SETD7: variants seen among roughly 807,000 people sequenced by gnomAD.
SETD7 encodes histone-lysine N-methyltransferase SETD7.
A neutral mutation model predicts 41.8 loss-of-function variants in SETD7; 16 were observed. That is an observed-to-expected ratio of 0.38 (90% CI 0.26 to 0.58). The LOEUF is 0.58. Ranked by LOEUF, SETD7 falls within the 20% of genes least tolerant of loss-of-function variation. SETD7 has a pLI of 0.64. For synonymous variants in SETD7, 163 were observed against 169.7 expected, an observed-to-expected ratio of 0.96 and a Z score of 0.31; for missense variants, 346 against 459.7, an observed-to-expected ratio of 0.75 and a Z score of 2.26.
intron 3 of SETD7, among the ~76,000 whole-genome samples, chr4:139,530,639 A>G (rs1332764321): frequency 6.6e-6 from 1 of 152,184 alleles, no homozygotes; most frequent in Non-Finnish European, 1.5e-5. Flanking sequence ...GACTAACATA[A>G]GATAATATTA....
intron 2 of SETD7, among the ~76,000 whole-genome samples, chr4:139,534,680 C>T (rs1286931456): frequency 4.6e-5 from 7 of 152,154 alleles, no homozygotes; most frequent in African/African-American, 1.7e-4. Flanking sequence ...TACAGTGTGC[C>T]TTCTCAGTAG....
intron 5 of SETD7, among the ~76,000 whole-genome samples, chr4:139,522,968 G>A (rs952821494): frequency 1.8e-4 from 27 of 151,912 alleles, no homozygotes; most frequent in African/African-American, 6.5e-4. Context: ...TGGCCAGGCT[G>A]GTCTTGAACT....
intron 2 of SETD7, among the ~76,000 whole-genome samples, chr4:139,533,616 T>C (rs1284788400): frequency 2.0e-5 from 3 of 152,022 alleles, no homozygotes; most frequent in Non-Finnish European, 2.9e-5. Flanking sequence ...CTGGAGAAAA[T>C]AGAGAAGAAA....
Position 139,555,713 on chromosome 4 carries a change from C to T in SETD7, c.40+385G>A, listed in dbSNP as rs568933516. 2.6e-5 allele frequency among the ~76,000 whole-genome samples: 4 copies of T among 152,200 alleles called. No individual in the cohort carries two copies. The highest frequency in any genetic ancestry group is 7.2e-5 in the African/African-American group (3 of 41,556). ...GCCAAAACTGGGCTAGGGGATTGCT[C>T]CGCGGAGTCCGCCGGCCTCAAGGGG... On this transcript the variant is annotated intron_variant, in intron 1 of 7. Coordinates refer to ENST00000274031, the MANE Select transcript of SETD7 (RefSeq NM_030648.4). The surrounding 1 kb of genome is among the most constrained non-coding windows in gnomAD (Gnocchi z 4.0).
intron 7 of SETD7, among the ~76,000 whole-genome samples, chr4:139,514,244 C>T (rs1229844362): frequency 6.6e-6 from 1 of 151,900 alleles, no homozygotes; most frequent in Non-Finnish European, 1.5e-5. Flanking sequence ...GACATTATGC[C>T]ACTGCACTCC....
At chr4:139,502,295 A>G (rs1158860731), downstream of SETD7, among the ~76,000 whole-genome samples, 1 of 152,242 alleles carries the variant, frequency 6.6e-6, no homozygotes, top group African/African-American at 2.4e-5. Context: ...ACTAAGTTCT[A>G]CGGTATGCTA....
downstream of SETD7, among the ~76,000 whole-genome samples, chr4:139,493,540 ATT>A (rs200493936): frequency 2.6e-4 from 37 of 139,666 alleles, no homozygotes; most frequent in Admixed American, 2.2e-4. Context: ...GTACTTTACT[ATT>A]TTTTTTTTTT....
At chr4:139,499,210 G>T (rs1205410297) in intron 7 of SETD7, among the ~76,000 whole-genome samples, 3 of 152,350 alleles carry the variant, frequency 2.0e-5, no homozygotes, top group Non-Finnish European at 4.4e-5. Context: ...TAACTTGCTT[G>T]TCCTCATTCT....
rs576025037 is a variant in SETD7, at chr4:139,552,512, C to T, written c.40+3586G>A. Among the ~76,000 whole-genome samples, 284 of 152,254 alleles carry T rather than the reference C, an allele frequency of 1.9e-3. 1 individual carries two copies. The highest frequency in any genetic ancestry group is 6.4e-3 in the African/African-American group (265 of 41,540). On this transcript the variant is annotated intron_variant, in intron 1 of 7. Coordinates refer to ENST00000274031, the MANE Select transcript of SETD7 (RefSeq NM_030648.4). ...GCTGGCCACTGCCTGTTCCTCTTCC[C>T]GGAGTGGAGCCTTGATCCTGTCATT...
downstream of SETD7, among the ~76,000 whole-genome samples, chr4:139,501,665 C>T (rs1244754031): frequency 6.6e-6 from 1 of 152,114 alleles, no homozygotes; most frequent in Non-Finnish European, 1.5e-5. Context: ...CAGTCACTCC[C>T]ACATCACATG....
At chr4:139,542,001 G>A (rs1354214193) in intron 2 of SETD7, among the ~76,000 whole-genome samples, 2 of 152,160 alleles carry the variant, frequency 1.3e-5, no homozygotes, top group East Asian at 3.8e-4. Flanking sequence ...TCCATTAACA[G>A]ATGAATGAAT....
chr4:139,533,315 G>A lies in SETD7; in HGVS notation c.222C>T (p.Tyr74=), dbSNP rs1310754073. The part of the protein sequence containing the change: ...VDDALQGQGV[Y]TYEDGGVLQG... ...GGAGAACTCCCCCATCTTCGTAAGTGTAAACTCCCTGGCCCTGCAAGGCAT... is the reference window on the plus strand; with the variant it reads ...GGAGAACTCCCCCATCTTCGTAAGTATAAACTCCCTGGCCCTGCAAGGCAT... Residue 74 remains tyrosine (Y), a synonymous_variant, in exon 3 of 8, where the codon TAC becomes TAT. Transcript: ENST00000274031. 2 of 1,614,126 alleles carry A rather than the reference G, an allele frequency of 1.2e-6. No homozygotes were observed. Among genetic ancestry groups the A allele is most frequent in the East Asian group, 2.2e-5 (1 of 44,888 alleles).
At chr4:139,556,018 G>A in intron 1 of SETD7, 80 bp downstream of exon 1, 1 of 1,420,374 alleles carries the variant, frequency 7.0e-7, no homozygotes, top group Non-Finnish European at 9.5e-7. Flanking sequence ...GCCCGGCGCC[G>A]CGCTGTTCGC....
downstream of SETD7, among the ~76,000 whole-genome samples, chr4:139,505,877 G>A (rs1205672909): frequency 2.0e-5 from 3 of 152,000 alleles, no homozygotes; most frequent in Non-Finnish European, 2.9e-5. Context: ...CAAATCCTCC[G>A]CTCTTACTAG....
intron 7 of SETD7, among the ~76,000 whole-genome samples, chr4:139,513,836 G>C (rs1726947297): frequency 6.6e-6 from 1 of 152,198 alleles, no homozygotes; most frequent in Non-Finnish European, 1.5e-5. Flanking sequence ...GCACAAAGTA[G>C]GATTCAACTA....
chr4:139,528,017 T>C (rs1263031007), intron 4 of SETD7, among the ~76,000 whole-genome samples: 1 of 152,230 alleles, frequency 6.6e-6, no homozygotes, highest in Non-Finnish European at 1.5e-5. Context: ...CCCAGATTTA[T>C]TGTCTTTTCT....
chr4:139,519,512 C>T (rs780624833), intron 6 of SETD7, among the ~76,000 whole-genome samples: 5 of 152,248 alleles, frequency 3.3e-5, no homozygotes, highest in South Asian at 4.1e-4. Flanking sequence ...GACCATAGTG[C>T]AGTTTGAATA....
chr4:139,509,944 G>A lies in SETD7; in HGVS notation c.*1719C>T, dbSNP rs1560674552. On this transcript the variant is annotated 3_prime_UTR_variant, in exon 8 of 8. Coordinates refer to ENST00000274031, the MANE Select transcript of SETD7 (RefSeq NM_030648.4). ...CCACCTAGCTGCAAAGCATGCAACC[G>A]GGTGCTCTAGGAAGCCTGGTGTTGC... is the stretch of plus-strand genomic sequence containing the variant. The A allele has an allele frequency of 1.0e-6, 1 of 955,038 alleles. No individual in the cohort carries two copies. The highest frequency in any genetic ancestry group is 1.2e-6 in the Non-Finnish European group (1 of 802,306). 59.2% of individuals were successfully genotyped at this position (955,038 alleles called of 1,614,324 possible).
rs1189442458 is a variant in SETD7 at position 139,555,530 on chromosome 4, C to A, written c.40+568G>T. Reference sequence around the variant, plus strand: ...CTTGTCCGTCGCCCGACAATGATTTCATCTTTTCGGAAGAGCTGCCGCCTG... The same window carrying A: ...CTTGTCCGTCGCCCGACAATGATTTAATCTTTTCGGAAGAGCTGCCGCCTG... On this transcript the variant is annotated intron_variant, in intron 1 of 7. Transcript: ENST00000274031. The surrounding 1 kb of genome is among the most constrained non-coding windows in gnomAD (Gnocchi z 4.0). Among the ~76,000 whole-genome samples, 2 of 152,156 alleles carry A rather than the reference C, an allele frequency of 1.3e-5. No individual in the cohort carries two copies. Among genetic ancestry groups the A allele is most frequent in the African/African-American group, 4.8e-5 (2 of 41,458 alleles).
Sources: gnomAD v4.1 joint callset for allele counts (sites outside exome capture counted in the v4.1 genomes callset) on GRCh38, gnomAD v4.1.1 for gene constraint, Gnocchi (gnomAD v3.1) non-coding constraint, MANE v1.5 for transcripts, NCBI Gene and HGNC (gene_info 2026-07-23, HGNC 2026-07-21) for gene names.